Variants in ST3GAL2 observed in about 807,000 individuals in gnomAD.
ST3GAL2 encodes ST3 beta-galactoside alpha-2,3-sialyltransferase 2.
ST3GAL2 carries 16 observed loss-of-function variants against 37.5 expected under a neutral mutation model. The ratio of observed to expected loss-of-function variants is 0.43; its 90% confidence interval spans 0.29 to 0.65. The LOEUF (loss-of-function observed/expected upper bound fraction) is 0.65. Ranked by LOEUF, ST3GAL2 falls within the 30% of genes least tolerant of loss-of-function variation. The pLI is 0.17. For synonymous variants in ST3GAL2, 238 were observed against 202.9 expected, an observed-to-expected ratio of 1.17 and a Z score of -1.47; for missense variants, 383 against 487.8, an observed-to-expected ratio of 0.79 and a Z score of 2.02.
chr16:70,424,588 C>G (rs1278600747), intron 1 of ST3GAL2, among the ~76,000 whole-genome samples: 1 of 151,608 alleles, frequency 6.6e-6, no homozygotes, highest in Non-Finnish European at 1.5e-5. Flanking sequence ...ACAATAAGAG[C>G]AAAACTCTGT....
chr16:70,412,907 G>A (rs147071252), intron 1 of ST3GAL2, among the ~76,000 whole-genome samples: 18 of 152,008 alleles, frequency 1.2e-4, no homozygotes, highest in Admixed American at 3.3e-4. Context: ...AAAATTAAGC[G>A]TGGTAGCGCA....
At chr16:70,392,964 C>T (rs2047491696) in intron 3 of ST3GAL2, among the ~76,000 whole-genome samples, 2 of 152,102 alleles carry the variant, frequency 1.3e-5, no homozygotes, top group African/African-American at 4.8e-5. Flanking sequence ...CACTGCCATC[C>T]AGTTCCTCAG....
chr16:70,391,587 C>G (rs895757710), intron 3 of ST3GAL2, among the ~76,000 whole-genome samples: 1 of 152,164 alleles, frequency 6.6e-6, no homozygotes, highest in African/African-American at 2.4e-5. Flanking sequence ...TCCTGCCAAG[C>G]ACCCTGGGGC....
chr16:70,433,660 C>A (rs764722778), intron 1 of ST3GAL2, among the ~76,000 whole-genome samples: 9 of 152,222 alleles, frequency 5.9e-5, no homozygotes, highest in South Asian at 2.1e-4. Flanking sequence ...CTGGCAACAG[C>A]GGTTCCCTGA....
intron 3 of ST3GAL2, among the ~76,000 whole-genome samples, chr16:70,391,328 T>C (rs1402593918): frequency 2.0e-5 from 3 of 152,166 alleles, no homozygotes; most frequent in Non-Finnish European, 4.4e-5. Context: ...GCCCAGAATT[T>C]CCTCCAGAGA....
intron 2 of ST3GAL2, among the ~76,000 whole-genome samples, chr16:70,396,859 G>A (rs574548158): frequency 5.3e-5 from 8 of 152,192 alleles, no homozygotes; most frequent in Non-Finnish European, 1.0e-4. Context: ...CAAGGTAGAA[G>A]GAATTAAAAG....
intron 1 of ST3GAL2, among the ~76,000 whole-genome samples, chr16:70,431,985 A>ATATATATT (rs1454729972): frequency 1.4e-3 from 198 of 139,048 alleles, no homozygotes; most frequent in African/African-American, 5.8e-3. Flanking sequence ...ATATATATAT[A>ATATATATT]TTTTTTTTTA....
chr16:70,406,426 G>T (rs1439557469), intron 1 of ST3GAL2, among the ~76,000 whole-genome samples: 2 of 152,100 alleles, frequency 1.3e-5, no homozygotes, highest in African/African-American at 2.4e-5. Flanking sequence ...CAGGAGAAAT[G>T]CTTGAACCCA....
chr16:70,404,886 G>T, intron 1 of ST3GAL2, among the ~76,000 whole-genome samples: 1 of 152,138 alleles, frequency 6.6e-6, no homozygotes, highest in East Asian at 1.9e-4. Flanking sequence ...ACAAAAATTA[G>T]CTGGGCATGG....
chr16:70,398,340 C>T lies in ST3GAL2; in HGVS notation c.191G>A (p.Arg64Lys), dbSNP rs777996327. 6.2e-7 allele frequency: 1 copy of T among 1,613,528 alleles called. No homozygotes were observed. Among genetic ancestry groups the T allele is most frequent in the East Asian group, 2.2e-5 (1 of 44,884 alleles). The change falls in exon 2 of 7, where the codon AGG (arginine) becomes AAG (lysine). Residue 64 changes from arginine to lysine, a missense_variant. By Grantham distance (26) the Arg-to-Lys change is conservative. Coordinates refer to ENST00000342907, the MANE Select transcript of ST3GAL2 (RefSeq NM_006927.4). ...YAGLQRLSKE[R>K]LSGKSCACRR... ...ACAGGCACAGCTCTTGCCCGAGAGCCTCTCCTTGCTGAGGCGCTGCAGGCC... is the reference window on the plus strand; with the variant it reads ...ACAGGCACAGCTCTTGCCCGAGAGCTTCTCCTTGCTGAGGCGCTGCAGGCC...
intron 4 of ST3GAL2, among the ~76,000 whole-genome samples, chr16:70,387,520 A>G (rs1192914914): frequency 6.6e-6 from 1 of 152,096 alleles, no homozygotes; most frequent in Non-Finnish European, 1.5e-5. Flanking sequence ...GCGCCACTGC[A>G]CTCCAACCTG....
chr16:70,425,465 A>C (rs552769269), intron 1 of ST3GAL2, among the ~76,000 whole-genome samples: 1 of 152,074 alleles, frequency 6.6e-6, no homozygotes, highest in African/African-American at 2.4e-5. Context: ...CCGTCTCAGG[A>C]CAAAAAAAAA....
chr16:70,385,400 G>A (rs977856873), intron 4 of ST3GAL2, among the ~76,000 whole-genome samples: 1 of 152,174 alleles, frequency 6.6e-6, no homozygotes, highest in African/African-American at 2.4e-5. Flanking sequence ...GAGAGTTAGT[G>A]TTTAAGGTGT....
At chr16:70,403,324 A>G (rs1337119161) in intron 1 of ST3GAL2, among the ~76,000 whole-genome samples, 2 of 152,232 alleles carry the variant, frequency 1.3e-5, no homozygotes, top group African/African-American at 2.4e-5. Context: ...GTCATTCACT[A>G]TACAGAAAAG....
intron 1 of ST3GAL2, among the ~76,000 whole-genome samples, chr16:70,414,581 C>A (rs1177989195): frequency 6.6e-6 from 1 of 152,246 alleles, no homozygotes; most frequent in Non-Finnish European, 1.5e-5. Context: ...TGAAGTTCCA[C>A]TGAAAATCGG....
chr16:70,431,188 T>G (rs2047787582), intron 1 of ST3GAL2, among the ~76,000 whole-genome samples: 1 of 152,216 alleles, frequency 6.6e-6, no homozygotes. Flanking sequence ...CCCTCTTCAC[T>G]GTCAGCCCTA....
At chr16:70,411,990 G>A (rs534974247) in intron 1 of ST3GAL2, among the ~76,000 whole-genome samples, 61 of 147,734 alleles carry the variant, frequency 4.1e-4, no homozygotes, top group African/African-American at 1.2e-3. Context: ...GCGAAACTCC[G>A]TCTCAAAAAA....
intron 1 of ST3GAL2, among the ~76,000 whole-genome samples, chr16:70,401,722 A>G (rs1274538531): frequency 2.0e-5 from 3 of 152,052 alleles, no homozygotes; most frequent in Non-Finnish European, 4.4e-5. Context: ...GGCAGGCCCA[A>G]TGGCTCATGC....
intron 1 of ST3GAL2, among the ~76,000 whole-genome samples, chr16:70,411,588 T>C: frequency 6.6e-6 from 1 of 152,166 alleles, no homozygotes; most frequent in East Asian, 1.9e-4. Context: ...TGTGACCTAC[T>C]GCCCCAACCC....
Sources: allele counts gnomAD v4.1 joint callset (sites outside exome capture counted in the v4.1 genomes callset), GRCh38; gene constraint gnomAD v4.1.1; transcripts MANE v1.5; gene names NCBI Gene and HGNC (gene_info 2026-07-23, HGNC 2026-07-21).